The following ACOXL variants were observed in gnomAD, a reference collection of about 807,000 sequenced individuals.
ACOXL encodes the protein acyl-CoA oxidase like.
Under a neutral mutation model 71.9 loss-of-function variants are expected in ACOXL, and 70 were observed. The observed-to-expected ratio is 0.97, with a 90% CI of 0.80 to 1.19. The LOEUF (loss-of-function observed/expected upper bound fraction) is 1.19. Ranked by LOEUF, ACOXL falls within the 50% of genes most tolerant of loss-of-function variation. ACOXL has a pLI of 0.00. For synonymous variants in ACOXL, 253 were observed against 281.6 expected, an observed-to-expected ratio of 0.90 and a Z score of 1.02; for missense variants, 703 against 736.3, an observed-to-expected ratio of 0.95 and a Z score of 0.52.
chr2:110,798,745 A>G, intron 6 of ACOXL, 21 bp downstream of exon 6: 1 of 1,596,662 alleles, frequency 6.3e-7, no homozygotes, highest in Non-Finnish European at 8.6e-7. Context: ...AATACAGACA[A>G]CTAGAATAAT....
intron 9 of ACOXL, among the ~76,000 whole-genome samples, chr2:110,822,846 C>A (rs1688773320): frequency 6.6e-6 from 1 of 152,136 alleles, no homozygotes; most frequent in South Asian, 2.1e-4. Flanking sequence ...CTTTGGCCAC[C>A]CCAATCTGTT....
At chr2:110,997,148 C>G (rs750712749) in intron 14 of ACOXL, among the ~76,000 whole-genome samples, 16 of 152,164 alleles carry the variant, frequency 1.1e-4, no homozygotes, top group Non-Finnish European at 2.4e-4. Flanking sequence ...AAAATGCAAT[C>G]TGTAAACTGT....
At chr2:110,962,298 G>A (rs1405929922) in intron 12 of ACOXL, among the ~76,000 whole-genome samples, 2 of 152,202 alleles carry the variant, frequency 1.3e-5, no homozygotes, top group East Asian at 1.9e-4. Flanking sequence ...GCACTTTATC[G>A]GAACCTGCTT....
intron 12 of ACOXL, among the ~76,000 whole-genome samples, chr2:110,979,374 C>T (rs974145144): frequency 1.3e-5 from 2 of 152,120 alleles, no homozygotes; most frequent in African/African-American, 4.8e-5. Context: ...AAAATAGCTG[C>T]CACAATTCTG....
intron 1 of ACOXL, among the ~76,000 whole-genome samples, chr2:110,759,038 G>C (rs1221483877): frequency 6.6e-6 from 1 of 152,206 alleles, no homozygotes; most frequent in Non-Finnish European, 1.5e-5. Flanking sequence ...CAGTCTGAGA[G>C]ATTGTTTGTT....
chr2:111,117,777 G>A lies in ACOXL; in HGVS notation c.1704G>A (p.Glu568=), dbSNP rs1348880091. The change falls in exon 18 of 18, where the codon GAG becomes GAA. Residue 568 remains glutamate, a synonymous_variant. Transcript: ENST00000439055. ...PAPLQPRPRE[E]ARSRRPKLGA... Reference sequence around the variant, plus strand: ...CGCTGCAGCCGCGGCCACGGGAAGAGGCGCGCTCCCGGCGGCCCAAGCTGG... The same window carrying A: ...CGCTGCAGCCGCGGCCACGGGAAGAAGCGCGCTCCCGGCGGCCCAAGCTGG... 1.9e-6 allele frequency: 3 copies of A among 1,551,016 alleles called. No homozygotes were observed. The Admixed American group carries it at 5.9e-5, about 30-fold the overall frequency.
intron 14 of ACOXL, among the ~76,000 whole-genome samples, chr2:111,016,047 G>A (rs184844337): frequency 2.6e-4 from 39 of 152,070 alleles, no homozygotes; most frequent in African/African-American, 5.3e-4. Context: ...ATCCTCCTGC[G>A]TCAGCCTCCT....
intron 16 of ACOXL, 42 bp downstream of exon 16, chr2:111,049,330 G>A: frequency 6.7e-7 from 1 of 1,493,460 alleles, no homozygotes. Context: ...AAGGCTCAGA[G>A]CGTTTTTATT....
At chr2:110,949,469 G>C (rs1205631386) in intron 12 of ACOXL, among the ~76,000 whole-genome samples, 1 of 152,102 alleles carries the variant, frequency 6.6e-6, no homozygotes, top group African/African-American at 2.4e-5. Context: ...CTGGGGCTCT[G>C]GATTAAAGCC....
intron 15 of ACOXL, 65 bp downstream of exon 15, chr2:111,031,779 A>G: frequency 6.7e-7 from 1 of 1,482,258 alleles, no homozygotes. Flanking sequence ...CCCTGGAGAC[A>G]CAGCTCTGCA....
At chr2:110,859,574 G>A (rs952249) in intron 10 of ACOXL, among the ~76,000 whole-genome samples, 52,041 of 152,088 alleles carry the variant, frequency 0.34, 9,969 homozygotes, top group Non-Finnish European at 0.42. Flanking sequence ...GGAGAAGGGC[G>A]GAGGAAATGC....
intron 10 of ACOXL, among the ~76,000 whole-genome samples, chr2:110,883,697 A>G (rs978556278): frequency 1.3e-5 from 2 of 152,152 alleles, no homozygotes; most frequent in African/African-American, 4.8e-5. Flanking sequence ...ATGTTTAGGA[A>G]TGAGTAATAC....
chr2:110,827,784 G>T (rs1423492569), intron 9 of ACOXL, among the ~76,000 whole-genome samples: 2 of 152,008 alleles, frequency 1.3e-5, no homozygotes, highest in African/African-American at 4.8e-5. Context: ...GGAGGGCAAG[G>T]GGAGTCACAT....
chr2:110,969,630 G>A (rs565324623), intron 12 of ACOXL, among the ~76,000 whole-genome samples: 5 of 152,060 alleles, frequency 3.3e-5, no homozygotes, highest in Non-Finnish European at 7.4e-5. Flanking sequence ...GGGCAACATG[G>A]TAAAACCCCA....
chr2:110,867,919 C>A (rs567118639), intron 10 of ACOXL, among the ~76,000 whole-genome samples: 8 of 152,022 alleles, frequency 5.3e-5, no homozygotes, highest in African/African-American at 9.7e-5. Flanking sequence ...CCCACCACCA[C>A]GCTCAGCTAA....
At chr2:110,756,080 G>T (rs915900729) in intron 1 of ACOXL, among the ~76,000 whole-genome samples, 1 of 152,116 alleles carries the variant, frequency 6.6e-6, no homozygotes, top group African/African-American at 2.4e-5. Context: ...TAAGGAATTC[G>T]GGTGTTAATA....
chr2:110,986,998 C>A, intron 12 of ACOXL, 110 bp from the exon 13 acceptor site: 1 of 853,426 alleles, frequency 1.2e-6, no homozygotes. Flanking sequence ...GTATTTGATT[C>A]CTTCCAAGGA....
intron 13 of ACOXL, among the ~76,000 whole-genome samples, chr2:110,994,757 A>C (rs1292078196): frequency 6.6e-6 from 1 of 152,096 alleles, no homozygotes; most frequent in African/African-American, 2.4e-5. Context: ...AAAGATGGGA[A>C]TTGCTGCCTG....
intron 14 of ACOXL, among the ~76,000 whole-genome samples, chr2:111,013,114 A>G (rs1028625614): frequency 1.3e-5 from 2 of 152,242 alleles, no homozygotes; most frequent in African/African-American, 4.8e-5. Context: ...ATAATGTCAT[A>G]CCACATACTA....
Sources: allele counts gnomAD v4.1 joint callset (sites outside exome capture counted in the v4.1 genomes callset), GRCh38; gene constraint gnomAD v4.1.1; transcripts MANE v1.5; gene names NCBI Gene and HGNC (gene_info 2026-07-23, HGNC 2026-07-21).